The following MGMT variants were observed in gnomAD, a reference collection of about 807,000 sequenced individuals.
The protein encoded by MGMT is methylated-DNA--protein-cysteine methyltransferase.
Under a neutral mutation model 15.9 loss-of-function variants are expected in MGMT, and 14 were observed. The observed-to-expected ratio is 0.88, with a 90% CI of 0.58 to 1.37. The LOEUF (loss-of-function observed/expected upper bound fraction) is 1.37, where lower values mean the gene tolerates loss of function less well. Among genes scored for constraint, MGMT ranks in the 40% most tolerant of loss-of-function variants. The pLI, the probability that MGMT is intolerant of heterozygous loss-of-function variation, is 0.00. For missense variants in MGMT, 282 were observed against 268.1 expected (o/e 1.05, Z -0.36); for synonymous variants, 130 against 118.2 (o/e 1.10, Z -0.65).
At chr10:129,705,411 C>T (rs1336900796) in intron 2 of MGMT, among the ~76,000 whole-genome samples, 1 of 152,236 alleles carries the variant, frequency 6.6e-6, no homozygotes, top group African/African-American at 2.4e-5. Context: ...ATCTTTAACA[C>T]AAACCCAAAA....
chr10:129,724,525 C>A (rs980584260), intron 3 of MGMT, among the ~76,000 whole-genome samples: 7 of 152,082 alleles, frequency 4.6e-5, no homozygotes, highest in Non-Finnish European at 1.0e-4. Context: ...GAAGATGGTA[C>A]ATTTCACTGT....
chr10:129,571,850 A>G (rs1157734877), intron 2 of MGMT, among the ~76,000 whole-genome samples: 4 of 152,240 alleles, frequency 2.6e-5, no homozygotes, highest in East Asian at 3.8e-4. Context: ...TATGACTTTT[A>G]TATGCATGCA....
At chr10:129,739,850 A>G (rs988148262) in intron 3 of MGMT, among the ~76,000 whole-genome samples, 1 of 151,852 alleles carries the variant, frequency 6.6e-6, no homozygotes, top group Non-Finnish European at 1.5e-5. Context: ...TTCTTCCAGT[A>G]TGGCTCAGGG....
rs182891248 is a variant in MGMT, at chr10:129,507,350, G to A, written c.-12-28891G>A. Among the ~76,000 whole-genome samples the A allele has an allele frequency of 2.0e-5, 3 of 152,320 alleles. No individual in the cohort carries two copies. The East Asian group carries it at 5.8e-4, about 29-fold the overall frequency. On this transcript the variant is annotated intron_variant, in intron 1 of 4. Coordinates refer to ENST00000651593, the MANE Select transcript of MGMT (RefSeq NM_002412.5). ...GCCTCTGGGGCAGGGGTGGCCTGGA[G>A]ACATCGCAGTGGTCTTGTCTGGTGG...
chr10:129,565,818 T>C (rs1186234365), intron 2 of MGMT, among the ~76,000 whole-genome samples: 1 of 152,054 alleles, frequency 6.6e-6, no homozygotes, highest in East Asian at 1.9e-4. Flanking sequence ...TTTGAAGCAG[T>C]TCATTTTGTG....
intron 2 of MGMT, among the ~76,000 whole-genome samples, chr10:129,639,008 G>A (rs1209786724): frequency 6.6e-6 from 1 of 151,626 alleles, no homozygotes; most frequent in Admixed American, 6.6e-5. Flanking sequence ...AAGTAAAATA[G>A]ATTAACAGAG....
At chr10:129,667,209 T>G (rs1847669309) in intron 2 of MGMT, among the ~76,000 whole-genome samples, 1 of 152,318 alleles carries the variant, frequency 6.6e-6, no homozygotes, top group African/African-American at 2.4e-5. Context: ...TCTTCCCATC[T>G]TTTCCTGCTG....
chr10:129,719,669 G>GC (rs905957496), intron 3 of MGMT, among the ~76,000 whole-genome samples: 37 of 152,112 alleles, frequency 2.4e-4, no homozygotes, highest in African/African-American at 8.7e-4. Context: ...TGGGATTAGG[G>GC]CTACCTGAAC....
intron 2 of MGMT, among the ~76,000 whole-genome samples, chr10:129,596,366 G>T (rs946767798): frequency 6.6e-6 from 1 of 152,044 alleles, no homozygotes; most frequent in African/African-American, 2.4e-5. Flanking sequence ...TTCATAAATT[G>T]TTTATAAATA....
intron 1 of MGMT, among the ~76,000 whole-genome samples, chr10:129,498,902 T>C (rs1845549060): frequency 6.6e-6 from 1 of 152,214 alleles, no homozygotes; most frequent in African/African-American, 2.4e-5. Flanking sequence ...TATGTGTGTC[T>C]ACTGACCCGT....
intron 1 of MGMT, among the ~76,000 whole-genome samples, chr10:129,475,489 T>G (rs912936526): frequency 6.6e-6 from 1 of 152,192 alleles, no homozygotes; most frequent in African/African-American, 2.4e-5. Context: ...AAAGGAATGA[T>G]ATATTTCTAA....
At chr10:129,743,473 C>T (rs1021878581) in intron 3 of MGMT, among the ~76,000 whole-genome samples, 9 of 152,282 alleles carry the variant, frequency 5.9e-5, no homozygotes, top group South Asian at 2.1e-4. Context: ...TTGGTGGCAT[C>T]GTGGCCTCAC....
intron 2 of MGMT, among the ~76,000 whole-genome samples, chr10:129,679,072 C>CAAAA (rs746058016): frequency 8.5e-6 from 1 of 117,694 alleles, no homozygotes. Context: ...GACTCCATCT[C>CAAAA]AAAAAAAAAA....
chr10:129,528,787 TG>T (rs1345089217), intron 1 of MGMT, among the ~76,000 whole-genome samples: 5 of 152,174 alleles, frequency 3.3e-5, no homozygotes, highest in Non-Finnish European at 7.3e-5. Context: ...CCATCACATC[TG>T]CCATGTCAAG....
chr10:129,727,076 G>A (rs1285976933), intron 3 of MGMT, among the ~76,000 whole-genome samples: 1 of 152,204 alleles, frequency 6.6e-6, no homozygotes, highest in East Asian at 1.9e-4. Flanking sequence ...GAAATACCAT[G>A]ATGCTATCAA....
intron 1 of MGMT, among the ~76,000 whole-genome samples, chr10:129,474,542 C>G (rs1845268171): frequency 6.6e-6 from 1 of 152,222 alleles, no homozygotes; most frequent in South Asian, 2.1e-4. Context: ...ACAGGCCGCC[C>G]TCTGCCCTGC....
At chr10:129,652,921 G>A (rs1847478627) in intron 2 of MGMT, among the ~76,000 whole-genome samples, 1 of 152,238 alleles carries the variant, frequency 6.6e-6, no homozygotes, top group South Asian at 2.1e-4. Context: ...TTTTGGGACT[G>A]TGCTGGCAGC....
chr10:129,697,312 G>A lies in MGMT; in HGVS notation c.126-10583G>A, dbSNP rs12252663. ...GCCATCAAGGGCAGAGCATGTGGGCGTGTGGACTTGTCATGATGAGGAGTG... is the reference window on the plus strand; with the variant it reads ...GCCATCAAGGGCAGAGCATGTGGGCATGTGGACTTGTCATGATGAGGAGTG... On this transcript the variant is annotated intron_variant, in intron 2 of 4. Coordinates refer to ENST00000651593, the MANE Select transcript of MGMT (RefSeq NM_002412.5). Among the ~76,000 whole-genome samples the A allele has an allele frequency of 4.4e-3, 668 of 152,292 alleles. 3 individuals carry two copies. The highest frequency in any genetic ancestry group is 0.014 in the African/African-American group (592 of 41,536).
chr10:129,599,702 A>T (rs765140136), intron 2 of MGMT, among the ~76,000 whole-genome samples: 1 of 152,186 alleles, frequency 6.6e-6, no homozygotes, highest in Admixed American at 6.5e-5. Context: ...TGAGGCCGGC[A>T]AGTCTGTGGG....
Sources: gnomAD v4.1 joint callset for allele counts (sites outside exome capture counted in the v4.1 genomes callset) on GRCh38, gnomAD v4.1.1 for gene constraint, MANE v1.5 for transcripts, NCBI Gene and HGNC (gene_info 2026-07-23, HGNC 2026-07-21) for gene names.